Variants in CRISPLD2 observed in about 807,000 individuals in gnomAD.
The protein encoded by CRISPLD2 is cysteine rich secretory protein LCCL domain containing 2.
Under a neutral mutation model 71.1 loss-of-function variants are expected in CRISPLD2, and 47 were observed. That is an observed-to-expected ratio of 0.66 (90% CI 0.52 to 0.84). The LOEUF is 0.84. CRISPLD2 is among the 40% of genes least tolerant of loss of function. The pLI is 0.00. For synonymous variants in CRISPLD2, 317 were observed against 250.1 expected, an observed-to-expected ratio of 1.27 and a Z score of -2.52; for missense variants, 830 against 651.1, an observed-to-expected ratio of 1.27 and a Z score of -2.99.
chr16:84,904,264 G>C (rs1046361917), intron 14 of CRISPLD2, among the ~76,000 whole-genome samples: 1 of 152,154 alleles, frequency 6.6e-6, no homozygotes, highest in Non-Finnish European at 1.5e-5. Context: ...TGGTGGTGCT[G>C]ACATCAGGAC....
At chr16:84,892,938 TGTA>T in intron 14 of CRISPLD2, among the ~76,000 whole-genome samples, 1 of 138,510 alleles carries the variant, frequency 7.2e-6, no homozygotes, top group Non-Finnish European at 1.5e-5. Flanking sequence ...ATTCCACCAC[TGTA>T]CTCCAGCCTG....
intron 6 of CRISPLD2, among the ~76,000 whole-genome samples, chr16:84,855,957 A>G (rs973379441): frequency 6.6e-6 from 1 of 152,242 alleles, no homozygotes; most frequent in Non-Finnish European, 1.5e-5. Context: ...ACAAGTGTAT[A>G]CATGCACAAG....
At chr16:84,873,240 G>C in intron 10 of CRISPLD2, 118 bp downstream of exon 10, 2 of 1,188,960 alleles carry the variant, frequency 1.7e-6, no homozygotes, top group East Asian at 5.4e-5. Context: ...CACTTTGGGA[G>C]GCAGAGGCAG....
At chr16:84,834,264 G>A in intron 1 of CRISPLD2, among the ~76,000 whole-genome samples, 1 of 152,224 alleles carries the variant, frequency 6.6e-6, no homozygotes, top group East Asian at 1.9e-4. Context: ...TCGCCCTGAG[G>A]GTTGCTGGCG....
chr16:84,884,972 C>G (rs1468563990), intron 13 of CRISPLD2, among the ~76,000 whole-genome samples: 1 of 152,214 alleles, frequency 6.6e-6, no homozygotes, highest in Non-Finnish European at 1.5e-5. Context: ...CAGCCTGGGC[C>G]TTGCTCCTGG....
intron 2 of CRISPLD2, among the ~76,000 whole-genome samples, chr16:84,841,785 G>A (rs570886028): frequency 1.3e-5 from 2 of 152,198 alleles, no homozygotes; most frequent in Admixed American, 6.5e-5. Context: ...TAGTAGAGAC[G>A]GTGTTTGCCA....
At chr16:84,820,158 C>T (rs1261271280) in intron 1 of CRISPLD2, 25 bp downstream of exon 1, 2 of 152,194 alleles carry the variant, frequency 1.3e-5, no homozygotes, top group Non-Finnish European at 2.9e-5. Context: ...CATGCTTCTC[C>T]CTTTTGCAAA....
At chr16:84,837,090 G>T (rs114735481) in intron 1 of CRISPLD2, among the ~76,000 whole-genome samples, 3 of 152,206 alleles carry the variant, frequency 2.0e-5, no homozygotes, top group Admixed American at 6.5e-5. Flanking sequence ...AAAATAAGGC[G>T]CTTGATGGAG....
At position 84,880,494 on chromosome 16, in the gene CRISPLD2, C is replaced by A. The variant is rs76750289; in HGVS notation, c.1230-15C>A. 1 of 1,608,302 alleles carries A rather than the reference C, an allele frequency of 6.2e-7. No individual in the cohort carries two copies. Among genetic ancestry groups the A allele is most frequent in the South Asian group, 1.1e-5 (1 of 90,500 alleles). ...TGTGCTCAGACCCATCACATAAATG[C>A]TTCCTGTTTTTCAGAATCCATTGTC... On this transcript the variant is annotated splice_polypyrimidine_tract_variant and intron_variant, in intron 12 of 14. Transcript: ENST00000262424.
At chr16:84,878,127 G>A (rs1330057568) in intron 12 of CRISPLD2, among the ~76,000 whole-genome samples, 1 of 152,102 alleles carries the variant, frequency 6.6e-6, no homozygotes, top group Non-Finnish European at 1.5e-5. Context: ...GGGAGTCTGA[G>A]GCGGGAGAAT....
chr16:84,821,176 C>G (rs556565805), intron 1 of CRISPLD2, among the ~76,000 whole-genome samples: 1 of 152,298 alleles, frequency 6.6e-6, no homozygotes, highest in South Asian at 2.1e-4. Context: ...GGTGAGCCTG[C>G]TTTCCCCATC....
At chr16:84,899,945 C>G (rs973965704) in intron 14 of CRISPLD2, among the ~76,000 whole-genome samples, 1 of 152,128 alleles carries the variant, frequency 6.6e-6, no homozygotes, top group African/African-American at 2.4e-5. Context: ...AACTTGTGGC[C>G]CTGGTTGGTT....
rs780264740 is a variant in CRISPLD2, at chr16:84,845,806, G to A, written c.261G>A (p.Glu87=). 6.2e-7 allele frequency: 1 copy of A among 1,613,634 alleles called. No homozygotes were observed. Among genetic ancestry groups the A allele is most frequent in the Middle Eastern group, 1.6e-4 (1 of 6,062 alleles). Residue 87 remains glutamate (E), a synonymous_variant, in exon 3 of 15, where the codon GAG becomes GAA. Transcript: ENST00000262424. The stretch of plus-strand genomic sequence containing the variant: ...TGCAGACCTGGGATGACGAACTGGA[G>A]AAGTCTGCTGCAGCGTGGGCCAGTC... The part of the protein sequence containing the change: ...MEYMTWDDEL[E]KSAAAWASQC...
intron 2 of CRISPLD2, among the ~76,000 whole-genome samples, chr16:84,841,483 G>A (rs1192649742): frequency 2.6e-5 from 4 of 152,084 alleles, no homozygotes; most frequent in Admixed American, 2.6e-4. Context: ...GCTAGGTGAG[G>A]AGCCTGCCTT....
intron 13 of CRISPLD2, among the ~76,000 whole-genome samples, chr16:84,887,262 G>C (rs1400673077): frequency 6.6e-6 from 1 of 152,182 alleles, no homozygotes; most frequent in African/African-American, 2.4e-5. Flanking sequence ...CAGACCTGCT[G>C]GTGGTGGCCT....
rs141126218 is a variant in CRISPLD2, at chr16:84,895,067, C to T, written c.1439+5704C>T. Reference sequence around the variant, plus strand: ...CTGCTGATAGCAGACAGGCAGGTTCCCCTCCTCCACTCGTATTCCAAACTT... The same window carrying T: ...CTGCTGATAGCAGACAGGCAGGTTCTCCTCCTCCACTCGTATTCCAAACTT... On this transcript the variant is annotated intron_variant, in intron 14 of 14. Transcript: ENST00000262424. Among the ~76,000 whole-genome samples the T allele has an allele frequency of 7.9e-4, 121 of 152,238 alleles. 1 individual carries two copies. The highest frequency in any genetic ancestry group is 2.9e-3 in the African/African-American group (121 of 41,536).
In CRISPLD2 at chr16:84,889,307, C is replaced by T. The variant is rs770937388; in HGVS notation, c.1383C>T (p.Pro461=). ...NESGGDVDVM[P]VDKKKTYVGS... ...GTGGGGGTGACGTGGACGTGATGCC[C>T]GTGGATAAAAAGAAGACCTACGTGG... The change falls in exon 14 of 15, where the codon CCC becomes CCT. Residue 461 remains proline, a synonymous_variant. Coordinates refer to ENST00000262424, the MANE Select transcript of CRISPLD2 (RefSeq NM_031476.4). The T allele has an allele frequency of 8.1e-6, 13 of 1,613,858 alleles. No homozygotes were observed. The highest frequency in any genetic ancestry group is 1.7e-5 in the Admixed American group (1 of 59,978).
chr16:84,823,168 T>C (rs1226644643), intron 1 of CRISPLD2, among the ~76,000 whole-genome samples: 1 of 152,240 alleles, frequency 6.6e-6, no homozygotes, highest in Non-Finnish European at 1.5e-5. Flanking sequence ...GGTTCATCCA[T>C]GTTGTAATGT....
At chr16:84,826,343 C>G (rs1916351532) in intron 1 of CRISPLD2, among the ~76,000 whole-genome samples, 1 of 152,246 alleles carries the variant, frequency 6.6e-6, no homozygotes, top group Admixed American at 6.5e-5. Flanking sequence ...CCCTTTGGCA[C>G]TTTGTGCTGA....
Sources: gnomAD v4.1 joint callset for allele counts (sites outside exome capture counted in the v4.1 genomes callset) on GRCh38, gnomAD v4.1.1 for gene constraint, MANE v1.5 for transcripts, NCBI Gene and HGNC (gene_info 2026-07-23, HGNC 2026-07-21) for gene names.